The following ADAMTS18 variants were observed in gnomAD, a reference collection of about 807,000 sequenced individuals.
The protein encoded by ADAMTS18 is A disintegrin and metalloproteinase with thrombospondin motifs 18.
ADAMTS18 carries 157 observed loss-of-function variants against 165.9 expected under a neutral mutation model. That is an observed-to-expected ratio of 0.95 (90% CI 0.83 to 1.08). ADAMTS18 has a LOEUF of 1.08. ADAMTS18 is among the 50% of genes least tolerant of loss of function. ADAMTS18 has a pLI of 0.00. For synonymous variants in ADAMTS18, 782 were observed against 578.2 expected, an observed-to-expected ratio of 1.35 and a Z score of -5.06; for missense variants, 2,040 against 1,534.0, an observed-to-expected ratio of 1.33 and a Z score of -5.51.
chr16:77,390,544 G>A (rs928505182), intron 3 of ADAMTS18, among the ~76,000 whole-genome samples: 14 of 152,198 alleles, frequency 9.2e-5, no homozygotes, highest in African/African-American at 3.1e-4. Flanking sequence ...ACAAAAATTA[G>A]CCGGGCATGG....
intron 3 of ADAMTS18, among the ~76,000 whole-genome samples, chr16:77,400,456 CTGTGTGTG>C (rs796918149): frequency 7.2e-5 from 8 of 110,786 alleles, no homozygotes; most frequent in East Asian, 4.2e-4. Flanking sequence ...GTGTGTGTGT[CTGTGTGTG>C]TGTGTGTGTG....
chr16:77,408,471 A>T (rs1033283081), intron 3 of ADAMTS18, among the ~76,000 whole-genome samples: 2 of 152,136 alleles, frequency 1.3e-5, no homozygotes, highest in Non-Finnish European at 2.9e-5. Flanking sequence ...CAACAAAAAA[A>T]TAGATAAATA....
At chr16:77,336,707 A>C (rs78648070) in intron 11 of ADAMTS18, among the ~76,000 whole-genome samples, 13,327 of 152,244 alleles carry the variant, frequency 0.088, 802 homozygotes, top group East Asian at 0.27. Flanking sequence ...TTTTGTAACA[A>C]ATTCCTGGCT....
intron 8 of ADAMTS18, 106 bp from the exon 9 acceptor site, chr16:77,356,183 G>C (rs1010472895): frequency 6.9e-7 from 1 of 1,439,354 alleles, no homozygotes; most frequent in Non-Finnish European, 9.7e-7. Context: ...AACCAAGTGA[G>C]AGACAGAGTT....
At position 77,357,668 on chromosome 16, in the gene ADAMTS18, G is replaced by A. The variant is rs746228677; in HGVS notation, c.1323-1591C>T. On this transcript the variant is annotated intron_variant, in intron 8 of 22. Transcript: ENST00000282849. ...TTTATGTGCGTAAGAAAATCAAGTCGGAATTTAATTTTGAACTTAACAATC... is the reference window on the plus strand; with the variant it reads ...TTTATGTGCGTAAGAAAATCAAGTCAGAATTTAATTTTGAACTTAACAATC... Among the ~76,000 whole-genome samples the A allele has an allele frequency of 2.0e-5, 3 of 152,034 alleles. No homozygotes were observed. The South Asian group carries it at 6.2e-4, about 32-fold the overall frequency.
chr16:77,295,743 G>A lies in ADAMTS18; in HGVS notation c.2802-616C>T, dbSNP rs149328987. ...TGATTACACCTGAATTTAGTGATAG[G>A]TTAAATACCTACCTTCATTTTCTTT... On this transcript the variant is annotated intron_variant, in intron 18 of 22. Transcript: ENST00000282849. Among the ~76,000 whole-genome samples, 297 of 152,128 alleles carry A rather than the reference G, an allele frequency of 2.0e-3. 1 individual carries two copies. Among genetic ancestry groups the A allele is most frequent in the Middle Eastern group, 6.8e-3 (2 of 294 alleles).
chr16:77,384,550 T>C (rs934670785), intron 3 of ADAMTS18, among the ~76,000 whole-genome samples: 1 of 152,176 alleles, frequency 6.6e-6, no homozygotes, highest in Non-Finnish European at 1.5e-5. Context: ...AGGGTAGTGT[T>C]TGAACTTCTG....
intron 10 of ADAMTS18, among the ~76,000 whole-genome samples, chr16:77,353,253 A>G (rs2056581794): frequency 6.6e-6 from 1 of 152,200 alleles, no homozygotes; most frequent in Non-Finnish European, 1.5e-5. Flanking sequence ...TGAAGAAAAG[A>G]TGACACAAAA....
At chr16:77,350,256 G>A (rs1044558507) in intron 10 of ADAMTS18, among the ~76,000 whole-genome samples, 3 of 152,182 alleles carry the variant, frequency 2.0e-5, no homozygotes, top group Non-Finnish European at 4.4e-5. Context: ...CAGAGATCAA[G>A]TCTGGCATGC....
chr16:77,341,556 A>G, intron 11 of ADAMTS18, 148 bp downstream of exon 11: 1 of 704,986 alleles, frequency 1.4e-6, no homozygotes, highest in South Asian at 1.7e-5. Flanking sequence ...TAAGCTTTGT[A>G]ATTGCTGCTA....
chr16:77,326,585 G>A (rs1460151064), intron 12 of ADAMTS18, among the ~76,000 whole-genome samples: 1 of 152,110 alleles, frequency 6.6e-6, no homozygotes, highest in African/African-American at 2.4e-5. Flanking sequence ...GTTTCGCCAT[G>A]TTGCCCAGGC....
Position 77,322,396 on chromosome 16 carries a change from C to T in ADAMTS18, c.2103G>A (p.Val701=), listed in dbSNP as rs759126911. 7 of 1,613,936 alleles carry T rather than the reference C, an allele frequency of 4.3e-6. No individual in the cohort carries two copies. In the South Asian group the frequency reaches 6.6e-5, roughly 15 times the overall value. ...TTGGGGAGCAGGGAGTTCCATCTTT[C>T]ACTTTGCCGGACATTGCAAAAAAAA... is the stretch of plus-strand genomic sequence containing the variant. ...FEFFFAMSGK[V]KDGTPCSPNK... The change falls in exon 14 of 23, where the codon GTG becomes GTA. Residue 701 remains valine, a synonymous_variant. Transcript: ENST00000282849.
rs542881766 is a variant in ADAMTS18, at chr16:77,296,032, A to G, written c.2802-905T>C. 2.6e-5 allele frequency among the ~76,000 whole-genome samples: 4 copies of G among 152,140 alleles called. No individual in the cohort carries two copies. The South Asian group carries it at 8.3e-4, about 32-fold the overall frequency. ...AGTGTGTGTGTGTATATATATATACACACACATATACGCACATCTTTATAT... is the reference window on the plus strand; with the variant it reads ...AGTGTGTGTGTGTATATATATATACGCACACATATACGCACATCTTTATAT... On this transcript the variant is annotated intron_variant, in intron 18 of 22. Transcript: ENST00000282849.
intron 2 of ADAMTS18, among the ~76,000 whole-genome samples, chr16:77,434,002 T>A (rs750404457): frequency 6.6e-6 from 1 of 151,496 alleles, no homozygotes; most frequent in African/African-American, 2.4e-5. Flanking sequence ...GAGAGAAAAA[T>A]GAGGAAAGAT....
At chr16:77,361,427 C>T (rs1325184466) in intron 7 of ADAMTS18, among the ~76,000 whole-genome samples, 1 of 152,150 alleles carries the variant, frequency 6.6e-6, no homozygotes, top group African/African-American at 2.4e-5. Context: ...CAAGTAACTT[C>T]TAAAAAAGGC....
chr16:77,314,649 GTA>G (rs200681259), intron 16 of ADAMTS18, among the ~76,000 whole-genome samples: 2 of 126,466 alleles, frequency 1.6e-5, no homozygotes, highest in African/African-American at 6.2e-5. Flanking sequence ...GTGTGTGTGT[GTA>G]TATATATATA....
intron 3 of ADAMTS18, among the ~76,000 whole-genome samples, chr16:77,374,014 T>C (rs2056914658): frequency 1.3e-5 from 2 of 151,736 alleles, no homozygotes; most frequent in South Asian, 4.2e-4. Context: ...AGGTCAGGAG[T>C]TATAGACCAG....
intron 3 of ADAMTS18, among the ~76,000 whole-genome samples, chr16:77,411,157 T>C (rs946356452): frequency 6.6e-6 from 1 of 152,216 alleles, no homozygotes; most frequent in African/African-American, 2.4e-5. Flanking sequence ...TCCTGGAGTA[T>C]ACCAATCATT....
At chr16:77,407,993 G>GA (rs2057414516) in intron 3 of ADAMTS18, among the ~76,000 whole-genome samples, 1 of 151,912 alleles carries the variant, frequency 6.6e-6, no homozygotes, top group Non-Finnish European at 1.5e-5. Flanking sequence ...GGATGTACAA[G>GA]AAAATACTAT....
Sources: gnomAD v4.1 joint callset for allele counts (sites outside exome capture counted in the v4.1 genomes callset) on GRCh38, gnomAD v4.1.1 for gene constraint, MANE v1.5 for transcripts, NCBI Gene and HGNC (gene_info 2026-07-23, HGNC 2026-07-21) for gene names.